USP34: variants seen among roughly 807,000 people sequenced by gnomAD.
USP34 encodes the protein ubiquitin specific peptidase 34.
Under a neutral mutation model 460.3 loss-of-function variants are expected in USP34, and 70 were observed. The ratio of observed to expected loss-of-function variants is 0.15; its 90% CI spans 0.13 to 0.19. USP34 has a LOEUF of 0.19. Ranked by LOEUF, USP34 falls within the 10% of genes least tolerant of loss-of-function variation. The pLI is 1.00. For synonymous variants in USP34, 1,647 were observed against 1,405.3 expected, an observed-to-expected ratio of 1.17 and a Z score of -3.85; for missense variants, 3,985 against 4,236.2, an observed-to-expected ratio of 0.94 and a Z score of 1.65.
At chr2:61,439,660 G>A (rs375398877) in intron 1 of USP34, among the ~76,000 whole-genome samples, 7 of 152,158 alleles carry the variant, frequency 4.6e-5, no homozygotes, top group African/African-American at 1.4e-4. Flanking sequence ...AGCCCCCGTG[G>A]AGCACAAGTG....
chr2:61,328,338 A>T (rs905584847), intron 20 of USP34, among the ~76,000 whole-genome samples: 2 of 152,006 alleles, frequency 1.3e-5, no homozygotes, highest in African/African-American at 4.8e-5. Context: ...AATAATATAA[A>T]ATCAAAAAAC....
At chr2:61,349,437 G>T in intron 12 of USP34, 152 bp from the exon 13 acceptor site, 1 of 702,456 alleles carries the variant, frequency 1.4e-6, no homozygotes, top group Non-Finnish European at 2.3e-6. Flanking sequence ...GTAGTTGTTG[G>T]GGGTGCCTGC....
chr2:61,279,425 C>G (rs1689468508), intron 39 of USP34, among the ~76,000 whole-genome samples: 1 of 152,108 alleles, frequency 6.6e-6, no homozygotes, highest in Non-Finnish European at 1.5e-5. Context: ...TTTATGTACA[C>G]TGGAAAAAAC....
chr2:61,379,524 A>C (rs1018540634), intron 7 of USP34, among the ~76,000 whole-genome samples: 2 of 152,188 alleles, frequency 1.3e-5, no homozygotes, highest in East Asian at 1.9e-4. Context: ...AAACCAAAAA[A>C]CAAAACAAAA....
intron 2 of USP34, among the ~76,000 whole-genome samples, chr2:61,415,206 C>G (rs967337109): frequency 2.0e-5 from 3 of 151,916 alleles, no homozygotes; most frequent in African/African-American, 7.3e-5. Context: ...AGGATGAGAT[C>G]TGAAGAGAAG....
At chr2:61,384,078 A>T (rs183551314) in intron 5 of USP34, among the ~76,000 whole-genome samples, 1 of 152,104 alleles carries the variant, frequency 6.6e-6, no homozygotes, top group Non-Finnish European at 1.5e-5. Context: ...AATTACCCAT[A>T]ATTTCTAGTC....
intron 1 of USP34, among the ~76,000 whole-genome samples, chr2:61,446,941 A>C (rs1039905237): frequency 6.6e-5 from 10 of 152,110 alleles, no homozygotes; most frequent in African/African-American, 2.4e-4. Context: ...ATGTTGACAC[A>C]TTTCATTACA....
intron 43 of USP34, among the ~76,000 whole-genome samples, chr2:61,262,965 G>A (rs1688937783): frequency 6.6e-6 from 1 of 151,462 alleles, no homozygotes; most frequent in South Asian, 2.1e-4. Context: ...TATGCTTATT[G>A]GCCGCATGTA....
At chr2:61,445,064 C>T (rs1558598600) in intron 1 of USP34, among the ~76,000 whole-genome samples, 1 of 151,400 alleles carries the variant, frequency 6.6e-6, no homozygotes, top group African/African-American at 2.4e-5. Flanking sequence ...TAGTAACTGC[C>T]AACTTGTAAT....
chr2:61,213,973 T>C (rs1687336032), intron 68 of USP34, 87 bp downstream of exon 68: 1 of 1,493,774 alleles, frequency 6.7e-7, no homozygotes, highest in Non-Finnish European at 9.1e-7. Context: ...GACTATTCTA[T>C]ATTCTGCCAC....
At chr2:61,243,996 C>T (rs1030268953) in intron 51 of USP34, among the ~76,000 whole-genome samples, 3 of 151,632 alleles carry the variant, frequency 2.0e-5, no homozygotes, top group Admixed American at 6.6e-5. Flanking sequence ...AAGTGGACTG[C>T]TTTTCTTTTT....
In USP34 at chr2:61,350,492, G is replaced by C. The variant is rs1016034268; in HGVS notation, c.1377+76C>G. 3.2e-6 allele frequency: 5 copies of C among 1,549,444 alleles called. No individual in the cohort carries two copies. In the African/African-American group the frequency reaches 5.6e-5, roughly 17 times the overall value. ...GAAATGCCAAGACAATAAAATGAAA[G>C]TTAAATTATCTGAATCACAAGGAAA... On this transcript the variant is annotated intron_variant, in intron 11 of 79. Transcript: ENST00000398571.
At chr2:61,422,878 T>TG (rs1256346934) in intron 1 of USP34, among the ~76,000 whole-genome samples, 3 of 152,086 alleles carry the variant, frequency 2.0e-5, no homozygotes, top group African/African-American at 7.2e-5. Flanking sequence ...TGCACACCTC[T>TG]GGTCCCAGCT....
chr2:61,309,826 C>A (rs564679627), intron 27 of USP34, among the ~76,000 whole-genome samples: 1 of 152,106 alleles, frequency 6.6e-6, no homozygotes, highest in Non-Finnish European at 1.5e-5. Context: ...GTCTTAACTG[C>A]GCTGATACAT....
chr2:61,465,691 A>C (rs1434947302), intron 1 of USP34, among the ~76,000 whole-genome samples: 1 of 152,088 alleles, frequency 6.6e-6, no homozygotes, highest in African/African-American at 2.4e-5. Flanking sequence ...AATAAACAAA[A>C]ACACGGCTAG....
intron 18 of USP34, among the ~76,000 whole-genome samples, chr2:61,337,004 C>A (rs1163957315): frequency 6.6e-6 from 1 of 152,086 alleles, no homozygotes; most frequent in African/African-American, 2.4e-5. Context: ...TTTAATCTTT[C>A]ATACAGTTTT....
At chr2:61,195,251 G>A (rs1382308640) in intron 75 of USP34, among the ~76,000 whole-genome samples, 1 of 151,690 alleles carries the variant, frequency 6.6e-6, no homozygotes, top group African/African-American at 2.4e-5. Flanking sequence ...TTGCCATGTT[G>A]CCCAGGCTGG....
At position 61,190,785 on chromosome 2, in the gene USP34, T is replaced by G. The variant is rs546233908; in HGVS notation, c.9589-127A>C. 4.4e-5 allele frequency: 51 copies of G among 1,164,112 alleles called. No individual in the cohort carries two copies. In the Admixed American group the frequency reaches 6.2e-4, roughly 14 times the overall value. The allele number at this position is 1,164,112 out of a possible 1,614,324, so 72.1% of individuals were successfully genotyped here. ...ATCTGAAGCCACTGAAAATCCTACT[T>G]GAAAAGCCATGTCTAACTCACCTAT... On this transcript the variant is annotated intron_variant, in intron 76 of 79. Transcript: ENST00000398571.
chr2:61,437,759 C>A lies in USP34; in HGVS notation c.44-16926G>T, dbSNP rs534506437. ...CTGCACTCCAGCCTGGGCAACAGAGCGAGACTCCGTCTCAAAAATAAATAA... is the reference window on the plus strand; with the variant it reads ...CTGCACTCCAGCCTGGGCAACAGAGAGAGACTCCGTCTCAAAAATAAATAA... On this transcript the variant is annotated intron_variant, in intron 1 of 79. Coordinates refer to ENST00000398571, the MANE Select transcript of USP34 (RefSeq NM_014709.4). 2.9e-5 allele frequency among the ~76,000 whole-genome samples: 3 copies of A among 102,756 alleles called. No individual in the cohort carries two copies. The East Asian group carries it at 1.1e-3, about 36-fold the overall frequency. 67.4% of individuals were successfully genotyped at this position (102,756 alleles called of 152,430 possible). A position where few individuals can be genotyped will look rare whatever the true frequency, so the allele number is the denominator to read the frequency against.
Sources: gnomAD v4.1 joint callset for allele counts (sites outside exome capture counted in the v4.1 genomes callset) on GRCh38, gnomAD v4.1.1 for gene constraint, MANE v1.5 for transcripts, NCBI Gene and HGNC (gene_info 2026-07-23, HGNC 2026-07-21) for gene names.